Variants in REC114 observed in about 807,000 individuals in gnomAD.
REC114 encodes the protein REC114 meiotic recombination protein.
REC114 carries 27 observed loss-of-function variants against 31.3 expected under a neutral mutation model. The ratio of observed to expected loss-of-function variants is 0.86; its 90% confidence interval spans 0.64 to 1.19. The LOEUF (loss-of-function observed/expected upper bound fraction) is 1.19, where lower values mean the gene tolerates loss of function less well. Ranked by LOEUF, REC114 falls within the 50% of genes most tolerant of loss-of-function variation. The pLI, the probability that REC114 is intolerant of heterozygous loss-of-function variation, is 0.00. For synonymous variants in REC114, 134 were observed against 127.7 expected (o/e 1.05, Z -0.33); for missense variants, 344 against 326.9 (o/e 1.05, Z -0.40).
intron 2 of REC114, among the ~76,000 whole-genome samples, chr15:73,519,702 G>C (rs1035870336): frequency 2.0e-5 from 3 of 152,228 alleles, no homozygotes; most frequent in Non-Finnish European, 4.4e-5. Context: ...ATTATTCACA[G>C]TAGGCAAAAG....
intron 2 of REC114, among the ~76,000 whole-genome samples, chr15:73,518,024 G>T (rs1472260096): frequency 1.3e-5 from 2 of 152,188 alleles, no homozygotes; most frequent in African/African-American, 4.8e-5. Context: ...GTTGAATATT[G>T]CCGATGCTGA....
intron 2 of REC114, among the ~76,000 whole-genome samples, chr15:73,524,089 A>C (rs369874507): frequency 3.3e-5 from 5 of 152,232 alleles, no homozygotes; most frequent in Admixed American, 1.3e-4. Context: ...ATAAACATCT[A>C]CTAACTTGTT....
rs144585240 is a variant in REC114 at position 73,487,941 on chromosome 15, A to G, written c.249+14020A>G. ...TCTAAGTAAAGGTAGCCATGCCTCC[A>G]CAGCTTGTGCACCCTACACACCTGC... On this transcript the variant is annotated intron_variant, in intron 2 of 5. Transcript: ENST00000331090. Among the ~76,000 whole-genome samples, 734 of 152,258 alleles carry G rather than the reference A, an allele frequency of 4.8e-3. 4 individuals are homozygous for G. The highest frequency in any genetic ancestry group is 7.6e-3 in the Non-Finnish European group (516 of 68,004).
chr15:73,555,010 T>C (rs1894445205), intron 4 of REC114, among the ~76,000 whole-genome samples: 1 of 152,112 alleles, frequency 6.6e-6, no homozygotes, highest in African/African-American at 2.4e-5. Flanking sequence ...TAGAGTCCTT[T>C]GGCCCTTTGG....
At chr15:73,559,581 T>C (rs899072405) in intron 5 of REC114, among the ~76,000 whole-genome samples, 171 bp from the exon 6 acceptor site, 7 of 152,210 alleles carry the variant, frequency 4.6e-5, no homozygotes, top group Non-Finnish European at 1.0e-4. Flanking sequence ...ATATACAAAA[T>C]TGTAAATGTA....
intron 1 of REC114, among the ~76,000 whole-genome samples, chr15:73,472,974 A>C (rs1024605217): frequency 1.3e-5 from 2 of 152,132 alleles, no homozygotes; most frequent in African/African-American, 4.8e-5. Context: ...TAGTATTGCA[A>C]GTAATGGGAA....
intron 2 of REC114, among the ~76,000 whole-genome samples, chr15:73,479,023 A>G (rs939883100): frequency 6.6e-6 from 1 of 151,932 alleles, no homozygotes; most frequent in African/African-American, 2.4e-5. Context: ...CTTCCTTTCA[A>G]TCTGTATACT....
In REC114 at chr15:73,517,043, T is replaced by C. The variant is rs187293211; in HGVS notation, c.250-23442T>C. On this transcript the variant is annotated intron_variant, in intron 2 of 5. Coordinates refer to ENST00000331090, the MANE Select transcript of REC114 (RefSeq NM_001042367.2). ...GAGGAGGGAGTTGAGAGAACCTCAC[T>C]AGGACACAGGCTTGTTCTGTGTCCA... Among the ~76,000 whole-genome samples the C allele has an allele frequency of 5.6e-4, 85 of 152,334 alleles. 1 individual carries two copies. Among genetic ancestry groups the C allele is most frequent in the African/African-American group, 1.8e-3 (76 of 41,586 alleles).
intron 5 of REC114, among the ~76,000 whole-genome samples, chr15:73,557,639 A>C (rs190793344): frequency 6.6e-6 from 1 of 152,340 alleles, no homozygotes; most frequent in East Asian, 1.9e-4. Flanking sequence ...GAATCAGAGA[A>C]GCTGAGGAAA....
chr15:73,538,439 G>A (rs1459512004), intron 2 of REC114, among the ~76,000 whole-genome samples: 1 of 149,174 alleles, frequency 6.7e-6, no homozygotes, highest in African/African-American at 2.5e-5. Context: ...TTACATATGT[G>A]GCTCAAATTC....
chr15:73,498,142 T>G (rs74906355), intron 2 of REC114, among the ~76,000 whole-genome samples: 2 of 152,116 alleles, frequency 1.3e-5, no homozygotes, highest in African/African-American at 2.4e-5. Context: ...TAAGGTGTTA[T>G]GAATGTTATT....
chr15:73,463,955 C>A (rs536572264), intron 1 of REC114, among the ~76,000 whole-genome samples: 1 of 152,162 alleles, frequency 6.6e-6, no homozygotes, highest in South Asian at 2.1e-4. Context: ...TTTTTAAAAC[C>A]CCCATCCCCA....
intron 2 of REC114, among the ~76,000 whole-genome samples, chr15:73,520,462 C>T (rs537952857): frequency 3.3e-4 from 51 of 152,282 alleles, no homozygotes; most frequent in African/African-American, 1.1e-3. Flanking sequence ...AACTCCTGAC[C>T]TTGTGATCCA....
intron 1 of REC114, among the ~76,000 whole-genome samples, chr15:73,466,763 A>T (rs1567854798): frequency 6.6e-6 from 1 of 152,248 alleles, no homozygotes; most frequent in Non-Finnish European, 1.5e-5. Context: ...TTATTAAATA[A>T]GTTACATCTT....
At chr15:73,525,173 G>A (rs929164473) in intron 2 of REC114, among the ~76,000 whole-genome samples, 3 of 152,174 alleles carry the variant, frequency 2.0e-5, no homozygotes, top group African/African-American at 7.2e-5. Flanking sequence ...TTACAGACAT[G>A]AGCCAAGTTG....
At chr15:73,531,418 G>A (rs571038549) in intron 2 of REC114, among the ~76,000 whole-genome samples, 1 of 152,258 alleles carries the variant, frequency 6.6e-6, no homozygotes, top group Non-Finnish European at 1.5e-5. Context: ...AGGGGCCACG[G>A]AGTGCATGGA....
chr15:73,446,688 G>GA (rs1404204597), intron 1 of REC114, among the ~76,000 whole-genome samples: 3 of 151,984 alleles, frequency 2.0e-5, no homozygotes, highest in African/African-American at 7.3e-5. Context: ...CAACATACCT[G>GA]AAAAAACCTC....
chr15:73,453,610 C>G (rs560068612), intron 1 of REC114, among the ~76,000 whole-genome samples: 1 of 152,278 alleles, frequency 6.6e-6, no homozygotes, highest in South Asian at 2.1e-4. Context: ...CCAGCAATCC[C>G]ATTGCTGGGT....
chr15:73,551,165 G>A lies in REC114; in HGVS notation c.546+15G>A. ...GGCAGCCTGGAGTAAGTAGGCTGATGTGTTGGTTATACAGGAAACATGACA... is the reference window on the plus strand; with the variant it reads ...GGCAGCCTGGAGTAAGTAGGCTGATATGTTGGTTATACAGGAAACATGACA... On this transcript the variant is annotated intron_variant, in intron 4 of 5. Transcript: ENST00000331090. 1 of 1,581,826 alleles carries A rather than the reference G, an allele frequency of 6.3e-7. No individual in the cohort carries two copies. Among genetic ancestry groups the A allele is most frequent in the Non-Finnish European group, 8.6e-7 (1 of 1,163,584 alleles).
Sources: gnomAD v4.1 joint callset for allele counts (sites outside exome capture counted in the v4.1 genomes callset) on GRCh38, gnomAD v4.1.1 for gene constraint, MANE v1.5 for transcripts, NCBI Gene and HGNC (gene_info 2026-07-23, HGNC 2026-07-21) for gene names.